HDAC9: variants seen among roughly 807,000 people sequenced by gnomAD.
HDAC9 encodes histone deacetylase 9, also known as MEF-2 interacting transcription repressor (MITR) protein.
In HDAC9, 41 loss-of-function variants were observed where a neutral mutation model predicts 139.4. The ratio of observed to expected loss-of-function variants is 0.29; its 90% CI spans 0.23 to 0.38. HDAC9 has a LOEUF of 0.38. Among genes scored for constraint, HDAC9 ranks in the 10% least tolerant of loss-of-function variants. HDAC9 has a pLI of 1.00. For synonymous variants in HDAC9, 517 were observed against 476.2 expected, an observed-to-expected ratio of 1.09 and a Z score of -1.12; for missense variants, 1,147 against 1,297.0, an observed-to-expected ratio of 0.88 and a Z score of 1.78.
chr7:18,454,854 A>G (rs1275199538), intron 1 of HDAC9, among the ~76,000 whole-genome samples: 1 of 152,062 alleles, frequency 6.6e-6, no homozygotes. Context: ...TTGTAAAGGA[A>G]AACATCATAA....
intron 1 of HDAC9, chr7:18,429,409 G>A (rs1790423222): frequency 6.6e-6 from 1 of 152,024 alleles, no homozygotes; most frequent in Non-Finnish European, 1.5e-5. Flanking sequence ...GTGGTGTTTT[G>A]TTCCTTGTTA....
chr7:18,346,962 C>T (rs955133107), intron 1 of HDAC9, among the ~76,000 whole-genome samples: 1 of 152,098 alleles, frequency 6.6e-6, no homozygotes, highest in African/African-American at 2.4e-5. Context: ...GTGTGGCATT[C>T]ATAGGAGAGG....
At chr7:18,828,750 T>C (rs73312680) in intron 17 of HDAC9, among the ~76,000 whole-genome samples, 9,476 of 152,272 alleles carry the variant, frequency 0.062, 902 homozygotes, top group African/African-American at 0.2. Flanking sequence ...ATTTTCACTT[T>C]GGATCTTCTC....
chr7:18,538,594 T>C (rs1377942102), intron 2 of HDAC9, among the ~76,000 whole-genome samples: 1 of 152,230 alleles, frequency 6.6e-6, no homozygotes, highest in South Asian at 2.1e-4. Context: ...ACTTGACTCA[T>C]GTGTGCAGTT....
chr7:18,576,757 G>T (rs750988303), intron 2 of HDAC9, among the ~76,000 whole-genome samples: 1 of 151,894 alleles, frequency 6.6e-6, no homozygotes, highest in African/African-American at 2.4e-5. Context: ...TCTTGTGTCT[G>T]CAATGATAAA....
At chr7:18,594,568 A>G (rs1254215668) in intron 6 of HDAC9, among the ~76,000 whole-genome samples, 2 of 152,124 alleles carry the variant, frequency 1.3e-5, no homozygotes, top group Admixed American at 6.6e-5. Context: ...GTGAAATTAT[A>G]TCTGATAATC....
intron 12 of HDAC9, among the ~76,000 whole-genome samples, chr7:18,719,189 G>C (rs1203113593): frequency 6.6e-6 from 1 of 151,970 alleles, no homozygotes; most frequent in Non-Finnish European, 1.5e-5. Flanking sequence ...CCATATTCTG[G>C]ATACAAGTCT....
intron 1 of HDAC9, among the ~76,000 whole-genome samples, chr7:18,333,872 TA>T (rs1305408368): frequency 6.6e-6 from 1 of 151,288 alleles, no homozygotes; most frequent in East Asian, 1.9e-4. Flanking sequence ...AAAATATAGC[TA>T]AAAATGTTAA....
At chr7:18,608,233 A>C (rs931308121) in intron 6 of HDAC9, among the ~76,000 whole-genome samples, 1 of 152,142 alleles carries the variant, frequency 6.6e-6, no homozygotes. Flanking sequence ...TCAGCCTCTA[A>C]CTCAGTTACT....
At chr7:18,729,944 AGTAAAAATTACATT>A (rs937592054) in intron 13 of HDAC9, among the ~76,000 whole-genome samples, 1 of 152,210 alleles carries the variant, frequency 6.6e-6, no homozygotes, top group African/African-American at 2.4e-5. Flanking sequence ...ATACACTGAA[AGTAAAAATTACATT>A]GTAACTATTG....
In HDAC9 at chr7:18,876,021, G is replaced by A. The variant is rs193201408; in HGVS notation, c.2803+1425G>A. Among the ~76,000 whole-genome samples, 37 of 152,258 alleles carry A rather than the reference G, an allele frequency of 2.4e-4. 1 individual carries two copies. Among genetic ancestry groups the A allele is most frequent in the African/African-American group, 8.7e-4 (36 of 41,552 alleles). On this transcript the variant is annotated intron_variant, in intron 22 of 25. Coordinates refer to ENST00000686413, the MANE Select transcript of HDAC9 (RefSeq NM_178425.4). ...GTTTAGTCTTTCTCCTTGCCACAGG[G>A]AAAGGTTGTAACAAGACTCTTCGTC...
intron 1 of HDAC9, among the ~76,000 whole-genome samples, chr7:18,393,360 C>G (rs1352714215): frequency 6.6e-6 from 1 of 151,994 alleles, no homozygotes; most frequent in African/African-American, 2.4e-5. Flanking sequence ...AGGTTCTTTT[C>G]AAGATGGATT....
At chr7:18,932,177 A>G (rs1804804456) in intron 22 of HDAC9, among the ~76,000 whole-genome samples, 1 of 152,202 alleles carries the variant, frequency 6.6e-6, no homozygotes, top group Non-Finnish European at 1.5e-5. Flanking sequence ...CAATTGATTT[A>G]AAAATTAAAA....
chr7:18,210,586 A>G (rs1791869270), intron 2 of HDAC9, among the ~76,000 whole-genome samples: 1 of 152,208 alleles, frequency 6.6e-6, no homozygotes, highest in Non-Finnish European at 1.5e-5. Context: ...TCTGTGACAC[A>G]TAGACTTCCA....
chr7:18,779,231 T>G (rs1791038762), intron 16 of HDAC9, among the ~76,000 whole-genome samples: 1 of 152,040 alleles, frequency 6.6e-6, no homozygotes, highest in African/African-American at 2.4e-5. Context: ...CCCATTGTTA[T>G]CATAAATCCA....
chr7:18,173,198 T>C (rs1195979925), intron 2 of HDAC9, among the ~76,000 whole-genome samples: 1 of 152,210 alleles, frequency 6.6e-6, no homozygotes, highest in East Asian at 1.9e-4. Flanking sequence ...CCCTTTACCA[T>C]TATGTAATGG....
Position 18,585,319 on chromosome 7 carries a change from A to G in HDAC9, c.61A>G (p.Ile21Val). The G allele has an allele frequency of 1.9e-6, 3 of 1,611,218 alleles. No individual in the cohort carries two copies. The highest frequency in any genetic ancestry group is 1.1e-5 in the South Asian group (1 of 91,018). ...KSEVPVGLEP[I>V]SPLDLRTDLR... ...AGAAGTTCCTGTGGGCCTGGAGCCCATCTCACCTTTAGACCTAAGGACAGA... is the reference window on the plus strand; with the variant it reads ...AGAAGTTCCTGTGGGCCTGGAGCCCGTCTCACCTTTAGACCTAAGGACAGA... Residue 21 changes from isoleucine to valine, a missense_variant, in exon 3 of 26, where the codon ATC (isoleucine) becomes GTC (valine). Around this residue, in one of 7 missense-constraint regions of HDAC9, gnomAD observed 136 missense variants for 183.5 expected, o/e 0.74. Transcript: ENST00000686413.
chr7:18,132,733 T>C (rs1419590802), intron 1 of HDAC9, among the ~76,000 whole-genome samples: 1 of 152,164 alleles, frequency 6.6e-6, no homozygotes, highest in African/African-American at 2.4e-5. Flanking sequence ...GCTGAGTTCT[T>C]TGGACCTGTG....
intron 21 of HDAC9, among the ~76,000 whole-genome samples, chr7:18,842,380 C>T (rs1796639558): frequency 6.6e-6 from 1 of 152,062 alleles, no homozygotes; most frequent in South Asian, 2.1e-4. Context: ...TTCTGAAAGA[C>T]TTGACTAATA....
Sources: gnomAD v4.1 joint callset for allele counts (sites outside exome capture counted in the v4.1 genomes callset) on GRCh38, gnomAD v4.1.1 for gene constraint, gnomAD v4.1.1 regional missense constraint, MANE v1.5 for transcripts, NCBI Gene and HGNC (gene_info 2026-07-23, HGNC 2026-07-21) for gene names.